The following MSH3 variants were observed in gnomAD, a reference collection of about 807,000 sequenced individuals.
MSH3 encodes mutS homolog 3, also known as DNA mismatch repair protein Msh3.
Under a neutral mutation model 123.3 loss-of-function variants are expected in MSH3, and 106 were observed. The ratio of observed to expected loss-of-function variants is 0.86; its 90% CI spans 0.73 to 1.01. The LOEUF (loss-of-function observed/expected upper bound fraction) is 1.01. Among genes scored for constraint, MSH3 ranks in the 50% least tolerant of loss-of-function variants. MSH3 has a pLI of 0.00. For missense variants in MSH3, 1,459 were observed against 1,347.6 expected, an observed-to-expected ratio of 1.08 and a Z score of -1.29; for synonymous variants, 515 against 481.4, an observed-to-expected ratio of 1.07 and a Z score of -0.91.
In MSH3 at chr5:80,670,203, A is replaced by G. The variant is rs762737443; in HGVS notation, c.686A>G (p.Tyr229Cys). 1.2e-6 allele frequency: 2 copies of G among 1,614,190 alleles called. No individual in the cohort carries two copies. Among genetic ancestry groups the G allele is most frequent in the African/African-American group, 1.3e-5 (1 of 75,066 alleles). ...KSANKRSKSI[Y>C]TPLELQYIEM... ...GCTAACAAACGGTCCAAAAGCATCT[A>G]TACGCCGCTAGAATTACAATACATA... The change falls in exon 4 of 24, where the codon TAT becomes TGT. Residue 229 changes from tyrosine to cysteine, a missense_variant. By Grantham distance (194) the Tyr-to-Cys change is radical. Transcript: ENST00000265081.
intron 12 of MSH3, among the ~76,000 whole-genome samples, chr5:80,750,727 A>G (rs1743818632): frequency 6.6e-6 from 1 of 152,012 alleles, no homozygotes; most frequent in Admixed American, 6.6e-5. Context: ...TTTTAGTTTG[A>G]TGCAATCCCA....
At chr5:80,692,840 TA>T (rs1240684070) in intron 8 of MSH3, among the ~76,000 whole-genome samples, 2 of 123,450 alleles carry the variant, frequency 1.6e-5, no homozygotes, top group African/African-American at 2.9e-5. Flanking sequence ...TGTATATGTT[TA>T]GATAAATATA....
Position 80,672,359 on chromosome 5 carries a change from A to G in MSH3, c.908A>G (p.Lys303Arg), listed in dbSNP as rs1236969310. The G allele has an allele frequency of 6.2e-7, 1 of 1,607,394 alleles. No homozygotes were observed. Among genetic ancestry groups the G allele is most frequent in the Admixed American group, 1.7e-5 (1 of 60,008 alleles). ...HVRRLVAKGY[K>R]VGVVKQTETA... ...CGCCGCCTGGTGGCAAAAGGATATA[A>G]GGTCAGCTTTGGCTTTAACTTGTGG... is the stretch of plus-strand genomic sequence containing the variant. Residue 303 changes from lysine to arginine, a missense_variant and splice_region_variant, in exon 5 of 24, where the codon AAG becomes AGG. By Grantham distance (26) the Lys-to-Arg change is conservative. Coordinates refer to ENST00000265081, the MANE Select transcript of MSH3 (RefSeq NM_002439.5).
At chr5:80,842,418 G>GAAATTGCTCCCAT (rs1745643027) in intron 20 of MSH3, among the ~76,000 whole-genome samples, 1 of 152,120 alleles carries the variant, frequency 6.6e-6, no homozygotes, top group East Asian at 1.9e-4. Context: ...GAAGTTTAAA[G>GAAATTGCTCCCAT]TACTTTTTTC....
chr5:80,815,584 C>CA (rs1300650229), intron 20 of MSH3, among the ~76,000 whole-genome samples: 1 of 152,158 alleles, frequency 6.6e-6, no homozygotes, highest in Non-Finnish European at 1.5e-5. Flanking sequence ...GCCTTTCCCT[C>CA]AGAGTTGTAA....
At chr5:80,674,531 T>C (rs773256428) in intron 6 of MSH3, among the ~76,000 whole-genome samples, 3 of 152,182 alleles carry the variant, frequency 2.0e-5, no homozygotes, top group South Asian at 2.1e-4. Flanking sequence ...TGGGTTGATA[T>C]TTGGGCCTCC....
chr5:80,751,753 A>G (rs1314088755), intron 12 of MSH3, among the ~76,000 whole-genome samples: 1 of 152,164 alleles, frequency 6.6e-6, no homozygotes, highest in Non-Finnish European at 1.5e-5. Context: ...TTATTTCCAA[A>G]TAAGATAACA....
chr5:80,833,683 C>T (rs1244456073), intron 20 of MSH3, among the ~76,000 whole-genome samples: 6 of 152,152 alleles, frequency 3.9e-5, no homozygotes, highest in Non-Finnish European at 5.9e-5. Flanking sequence ...CCTCATGATC[C>T]GCCCACGTCA....
chr5:80,769,305 AATC>A (rs1324061705), intron 15 of MSH3, among the ~76,000 whole-genome samples: 2 of 152,068 alleles, frequency 1.3e-5, no homozygotes, highest in Non-Finnish European at 2.9e-5. Flanking sequence ...ATTTGTTCTA[AATC>A]CAGGAAAGAG....
At chr5:80,854,839 A>G (rs1745889620) in intron 21 of MSH3, among the ~76,000 whole-genome samples, 1 of 152,190 alleles carries the variant, frequency 6.6e-6, no homozygotes, top group Admixed American at 6.5e-5. Flanking sequence ...ACTCAGAATT[A>G]TATCTTATTA....
intron 8 of MSH3, among the ~76,000 whole-genome samples, chr5:80,695,487 A>G (rs1029091895): frequency 2.0e-5 from 3 of 152,016 alleles, no homozygotes; most frequent in African/African-American, 7.2e-5. Flanking sequence ...GGCGCCTGCC[A>G]CCACGCCCAG....
intron 12 of MSH3, among the ~76,000 whole-genome samples, chr5:80,746,002 A>G (rs1461457345): frequency 2.0e-5 from 3 of 152,030 alleles, no homozygotes; most frequent in Non-Finnish European, 4.4e-5. Flanking sequence ...TACAATGCCA[A>G]CTTTAAAAGG....
At chr5:80,812,537 T>C (rs1246084859) in intron 19 of MSH3, among the ~76,000 whole-genome samples, 1 of 151,752 alleles carries the variant, frequency 6.6e-6, no homozygotes. Context: ...TTGATTGGCC[T>C]AGTTTGAGAA....
chr5:80,692,483 A>G (rs1580565437), intron 8 of MSH3, among the ~76,000 whole-genome samples: 2 of 73,478 alleles, frequency 2.7e-5, no homozygotes, highest in Non-Finnish European at 2.5e-5. Flanking sequence ...TAGATAGATA[A>G]ACATGTATAT....
At chr5:80,658,307 C>T (rs535501257) in intron 2 of MSH3, among the ~76,000 whole-genome samples, 5 of 152,292 alleles carry the variant, frequency 3.3e-5, no homozygotes, top group Admixed American at 1.3e-4. Context: ...GATCTGCCCG[C>T]CTTGGCCTCC....
At chr5:80,693,423 ATACAT>A (rs1580566923) in intron 8 of MSH3, among the ~76,000 whole-genome samples, 1 of 114,936 alleles carries the variant, frequency 8.7e-6, no homozygotes, top group Non-Finnish European at 1.9e-5. Flanking sequence ...TTATATAGAT[ATACAT>A]GCACATGTAT....
chr5:80,809,848 A>G (rs191086358), intron 19 of MSH3, among the ~76,000 whole-genome samples: 56 of 152,296 alleles, frequency 3.7e-4, no homozygotes, highest in Non-Finnish European at 7.4e-4. Flanking sequence ...TGTGTTTGTA[A>G]GGAGTTATTG....
At chr5:80,657,676 T>C (rs539534323) in intron 2 of MSH3, among the ~76,000 whole-genome samples, 3 of 152,096 alleles carry the variant, frequency 2.0e-5, no homozygotes, top group Non-Finnish European at 2.9e-5. Flanking sequence ...CCAATTCAGA[T>C]AGAGGTATCT....
intron 19 of MSH3, among the ~76,000 whole-genome samples, chr5:80,809,101 G>A (rs1744957949): frequency 6.6e-6 from 1 of 151,476 alleles, no homozygotes; most frequent in Non-Finnish European, 1.5e-5. Context: ...TTATTTTTAA[G>A]AATTTATGAT....
Sources: gnomAD v4.1 joint callset for allele counts (sites outside exome capture counted in the v4.1 genomes callset) on GRCh38, gnomAD v4.1.1 for gene constraint, MANE v1.5 for transcripts, NCBI Gene and HGNC (gene_info 2026-07-23, HGNC 2026-07-21) for gene names.